LCLAT1: variants seen among roughly 807,000 people sequenced by gnomAD.
The protein encoded by LCLAT1 is lysocardiolipin acyltransferase 1.
A neutral mutation model predicts 30.7 loss-of-function variants in LCLAT1; 11 were observed. The observed-to-expected ratio is 0.36, with a 90% confidence interval of 0.23 to 0.59. LCLAT1 has a LOEUF of 0.59. Ranked by LOEUF, LCLAT1 falls within the 20% of genes least tolerant of loss-of-function variation. The pLI is 0.77. For synonymous variants in LCLAT1, 155 were observed against 151.3 expected (o/e 1.02, Z -0.18); for missense variants, 402 against 458.6 (o/e 0.88, Z 1.13).
chr2:30,587,840 CAAGAT>C (rs2148474375), intron 5 of LCLAT1, among the ~76,000 whole-genome samples: 1 of 151,816 alleles, frequency 6.6e-6, no homozygotes, highest in East Asian at 1.9e-4. Context: ...GATTTTTATC[CAAGAT>C]CAATGATTAA....
intron 1 of LCLAT1, among the ~76,000 whole-genome samples, chr2:30,492,674 A>T (rs1245704095): frequency 1.3e-5 from 2 of 152,150 alleles, no homozygotes; most frequent in East Asian, 3.8e-4. Flanking sequence ...TTCTTAACCT[A>T]AAATGCTAGA....
intron 5 of LCLAT1, among the ~76,000 whole-genome samples, chr2:30,604,985 G>A (rs372306610): frequency 1.3e-5 from 2 of 152,200 alleles, no homozygotes; most frequent in African/African-American, 4.8e-5. Context: ...GGTTGCACTA[G>A]ATGACCTCTG....
intron 2 of LCLAT1, among the ~76,000 whole-genome samples, chr2:30,529,713 A>G (rs909111938): frequency 2.6e-5 from 4 of 152,174 alleles, no homozygotes; most frequent in African/African-American, 9.7e-5. Flanking sequence ...TTCCAGTCCT[A>G]GCACAAAACA....
intron 1 of LCLAT1, among the ~76,000 whole-genome samples, chr2:30,467,745 A>C (rs1315266814): frequency 6.6e-6 from 1 of 152,164 alleles, no homozygotes; most frequent in East Asian, 1.9e-4. Flanking sequence ...TCTTTTGAGA[A>C]GTGTCTGTTC....
intron 1 of LCLAT1, among the ~76,000 whole-genome samples, chr2:30,454,978 A>G (rs952421738): frequency 6.6e-6 from 1 of 152,192 alleles, no homozygotes; most frequent in East Asian, 1.9e-4. Flanking sequence ...AGAAGAATAT[A>G]CTAGAAGTCG....
intron 1 of LCLAT1, among the ~76,000 whole-genome samples, chr2:30,481,846 C>G (rs1353338738): frequency 6.6e-6 from 1 of 152,134 alleles, no homozygotes; most frequent in Non-Finnish European, 1.5e-5. Context: ...TCTTAAAAAC[C>G]CATTCAGTAA....
chr2:30,625,071 C>A (rs1474456020), intron 5 of LCLAT1, among the ~76,000 whole-genome samples: 1 of 152,120 alleles, frequency 6.6e-6, no homozygotes, highest in Non-Finnish European at 1.5e-5. Context: ...TAGAACCTAT[C>A]AAAACCTCTG....
chr2:30,492,314 G>A (rs528442112), intron 1 of LCLAT1, among the ~76,000 whole-genome samples: 45 of 152,314 alleles, frequency 3.0e-4, no homozygotes, highest in South Asian at 1.0e-3. Context: ...GGTTACTGTA[G>A]GAGGAGAGAA....
intron 1 of LCLAT1, among the ~76,000 whole-genome samples, chr2:30,508,096 GAA>G (rs1684758727): frequency 6.6e-6 from 1 of 152,112 alleles, no homozygotes; most frequent in Admixed American, 6.5e-5. Context: ...GTCTTCTTTT[GAA>G]AAGTGTCTGT....
chr2:30,452,317 A>G (rs554451453), intron 1 of LCLAT1, among the ~76,000 whole-genome samples: 86 of 152,344 alleles, frequency 5.6e-4, no homozygotes, highest in African/African-American at 2.0e-3. Context: ...TAATTATGAA[A>G]GAGGTACTTT....
intron 1 of LCLAT1, among the ~76,000 whole-genome samples, chr2:30,473,848 T>C (rs1157091313): frequency 6.6e-6 from 1 of 152,206 alleles, no homozygotes; most frequent in Admixed American, 6.5e-5. Flanking sequence ...TATGCAGTGC[T>C]AATTTATACC....
chr2:30,487,018 AT>A (rs1683590534), intron 1 of LCLAT1, among the ~76,000 whole-genome samples: 1 of 152,154 alleles, frequency 6.6e-6, no homozygotes, highest in Non-Finnish European at 1.5e-5. Flanking sequence ...CTAGATTATC[AT>A]TTTTTCTCCT....
At chr2:30,518,595 A>G (rs1260909810) in intron 1 of LCLAT1, among the ~76,000 whole-genome samples, 2 of 152,206 alleles carry the variant, frequency 1.3e-5, no homozygotes, top group Non-Finnish European at 2.9e-5. Context: ...AGGAGTGCAG[A>G]AGCCCAACGG....
At chr2:30,559,307 T>C (rs1665084831) in intron 3 of LCLAT1, among the ~76,000 whole-genome samples, 1 of 152,194 alleles carries the variant, frequency 6.6e-6, no homozygotes, top group Non-Finnish European at 1.5e-5. Flanking sequence ...TCTCTACCTA[T>C]ATATACTTAC....
chr2:30,609,404 T>C (rs1667624086), intron 5 of LCLAT1, among the ~76,000 whole-genome samples: 1 of 152,154 alleles, frequency 6.6e-6, no homozygotes, highest in African/African-American at 2.4e-5. Context: ...CATGTGTTGT[T>C]TGGTGTGAGG....
chr2:30,573,416 A>G (rs893138902), intron 5 of LCLAT1, among the ~76,000 whole-genome samples: 2 of 152,188 alleles, frequency 1.3e-5, no homozygotes, highest in African/African-American at 4.8e-5. Context: ...CATCACACTG[A>G]GATAGGTATC....
At chr2:30,624,040 A>G (rs1460616806) in intron 5 of LCLAT1, among the ~76,000 whole-genome samples, 1 of 152,208 alleles carries the variant, frequency 6.6e-6, no homozygotes, top group Non-Finnish European at 1.5e-5. Flanking sequence ...GGAAAGATAC[A>G]GTCTTTTTCA....
rs568738683 is a variant in LCLAT1 at position 30,552,192 on chromosome 2, T to A, written c.365-9954T>A. ...GATAATAGCTCATTTAGAAAATTGG[T>A]CAAATTTCCAATCTCATATAATATG... On this transcript the variant is annotated intron_variant, in intron 3 of 5. Coordinates refer to ENST00000379509, the MANE Select transcript of LCLAT1 (RefSeq NM_001002257.3). Among the ~76,000 whole-genome samples, 6 of 152,300 alleles carry A rather than the reference T, an allele frequency of 3.9e-5. No homozygotes were observed. In the East Asian group the frequency reaches 1.2e-3, roughly 29 times the overall value.
At chr2:30,459,716 G>A in intron 1 of LCLAT1, 1 of 1,611,478 alleles carries the variant, frequency 6.2e-7, no homozygotes, top group Non-Finnish European at 8.5e-7. Context: ...GACTCTAAAA[G>A]CTTTGGGTAA....
Sources: gnomAD v4.1 joint callset for allele counts (sites outside exome capture counted in the v4.1 genomes callset) on GRCh38, gnomAD v4.1.1 for gene constraint, MANE v1.5 for transcripts, NCBI Gene and HGNC (gene_info 2026-07-23, HGNC 2026-07-21) for gene names.